The following SRGAP3 variants were observed in gnomAD, a reference collection of about 807,000 sequenced individuals.
SRGAP3 encodes SLIT-ROBO Rho GTPase-activating protein 3.
SRGAP3 carries 39 observed loss-of-function variants against 121.1 expected under a neutral mutation model. The ratio of observed to expected loss-of-function variants is 0.32; its 90% CI spans 0.25 to 0.42. SRGAP3 has a LOEUF of 0.42. Among genes scored for constraint, SRGAP3 ranks in the 10% least tolerant of loss-of-function variants. The pLI, the probability that SRGAP3 is intolerant of heterozygous loss-of-function variation, is 1.00. For synonymous variants in SRGAP3, 601 were observed against 570.0 expected, an observed-to-expected ratio of 1.05 and a Z score of -0.77; for missense variants, 1,213 against 1,470.6, an observed-to-expected ratio of 0.82 and a Z score of 2.86.
chr3:9,106,794 G>T (rs748597209), intron 2 of SRGAP3, among the ~76,000 whole-genome samples: 5 of 151,912 alleles, frequency 3.3e-5, no homozygotes, highest in Non-Finnish European at 5.9e-5. Flanking sequence ...TCCCACTCTT[G>T]GGTATGTGTT....
At chr3:8,999,521 C>T (rs888657022) in intron 18 of SRGAP3, among the ~76,000 whole-genome samples, 9 of 152,190 alleles carry the variant, frequency 5.9e-5, no homozygotes, top group Admixed American at 5.2e-4. Context: ...CCTCTCAATA[C>T]CACTTATGTC....
chr3:9,292,714 A>G (rs1954889843), intron 3 of SRGAP3: 1 of 152,178 alleles, frequency 6.6e-6, no homozygotes, highest in African/African-American at 2.4e-5. Flanking sequence ...TCTTTTAATT[A>G]GCCTGTGCAT....
At chr3:9,044,255 C>A (rs767765890) in intron 10 of SRGAP3, among the ~76,000 whole-genome samples, 1 of 152,142 alleles carries the variant, frequency 6.6e-6, no homozygotes, top group Non-Finnish European at 1.5e-5. Flanking sequence ...GTTCCAAGAC[C>A]CCCAGTGGAT....
Position 9,060,327 on chromosome 3 carries a change from T to C in SRGAP3, c.705A>G (p.Lys235=). The change falls in exon 6 of 22, where the codon AAA becomes AAG. Residue 235 remains lysine (K), a synonymous_variant. Coordinates refer to ENST00000383836, the MANE Select transcript of SRGAP3 (RefSeq NM_014850.4). ...AGTAGTCATTCCGGGCCTTTGTGCATTTCAGCTTGTTCTCAGAGTACTTGG... is the reference window on the plus strand; with the variant it reads ...AGTAGTCATTCCGGGCCTTTGTGCACTTCAGCTTGTTCTCAGAGTACTTGG... ...RQAKYSENKL[K]CTKARNDYLL... The C allele has an allele frequency of 6.2e-7, 1 of 1,614,162 alleles. No individual in the cohort carries two copies. The highest frequency in any genetic ancestry group is 1.6e-4 in the Middle Eastern group (1 of 6,062).
At chr3:9,009,831 T>C (rs1943270263) in intron 18 of SRGAP3, among the ~76,000 whole-genome samples, 2 of 152,170 alleles carry the variant, frequency 1.3e-5, no homozygotes, top group Non-Finnish European at 2.9e-5. Context: ...TCTGGCATTA[T>C]CGCTTTGCAC....
intron 18 of SRGAP3, among the ~76,000 whole-genome samples, chr3:9,003,386 G>A (rs1433482805): frequency 6.6e-6 from 1 of 152,120 alleles, no homozygotes; most frequent in East Asian, 1.9e-4. Flanking sequence ...GGCTGAGGCA[G>A]GAGAATCACT....
chr3:9,131,917 T>A (rs1370661740), intron 1 of SRGAP3, among the ~76,000 whole-genome samples: 3 of 151,948 alleles, frequency 2.0e-5, no homozygotes, highest in African/African-American at 4.8e-5. Flanking sequence ...TCCTGCTCAC[T>A]CTCCAAGCAA....
At chr3:9,010,800 C>T (rs949967726) in intron 17 of SRGAP3, among the ~76,000 whole-genome samples, 15 of 152,168 alleles carry the variant, frequency 9.9e-5, no homozygotes, top group African/African-American at 3.6e-4. Context: ...TGTCTTATAG[C>T]TGAGGTGACA....
At chr3:9,293,303 T>C (rs553132976) in intron 3 of SRGAP3, 2 of 152,292 alleles carry the variant, frequency 1.3e-5, no homozygotes, top group South Asian at 4.1e-4. Context: ...TTCCATTTGA[T>C]TGCTCTGACT....
chr3:9,320,813 C>T (rs912982849), intron 3 of SRGAP3, among the ~76,000 whole-genome samples: 3 of 151,708 alleles, frequency 2.0e-5, no homozygotes, highest in African/African-American at 7.3e-5. Context: ...AATAAATTCC[C>T]TTTTTGAGTA....
At chr3:9,026,819 A>G (rs1045140120) in intron 13 of SRGAP3, 116 bp downstream of exon 13, 8 of 1,184,484 alleles carry the variant, frequency 6.8e-6, no homozygotes, top group South Asian at 4.9e-5. Flanking sequence ...TTCCCCCTCC[A>G]AAGCAGAGCT....
chr3:9,073,847 G>A (rs1946834080), intron 4 of SRGAP3, among the ~76,000 whole-genome samples: 1 of 152,216 alleles, frequency 6.6e-6, no homozygotes, highest in South Asian at 2.1e-4. Flanking sequence ...TGTGGGATAT[G>A]CCCAAACGTG....
Position 8,984,230 on chromosome 3 carries a change from C to A in SRGAP3, c.*1289G>T. On this transcript the variant is annotated 3_prime_UTR_variant, in exon 22 of 22. Coordinates refer to ENST00000383836, the MANE Select transcript of SRGAP3 (RefSeq NM_014850.4). ...AGCTATGTCACTTGTATTAACTCAA[C>A]TGACAGTGTCCTCTAGGACAGAAAG... is the stretch of plus-strand genomic sequence containing the variant. 1 of 229,882 alleles carries A rather than the reference C, an allele frequency of 4.4e-6. No individual in the cohort carries two copies. Among genetic ancestry groups the A allele is most frequent in the Non-Finnish European group, 8.6e-6 (1 of 115,934 alleles). 14.2% of individuals were successfully genotyped at this position (229,882 alleles called of 1,614,324 possible). A position where few individuals can be genotyped will look rare whatever the true frequency, so the allele number is the denominator to read the frequency against.
chr3:8,981,004 G>A lies in SRGAP3; in HGVS notation c.*4515C>T, dbSNP rs1184994295. 1.7e-5 allele frequency: 4 copies of A among 233,264 alleles called. No homozygotes were observed. Among genetic ancestry groups the A allele is most frequent in the Admixed American group, 5.6e-5 (1 of 17,786 alleles). The allele number at this position is 233,264 out of a possible 1,614,324, so 14.4% of individuals were successfully genotyped here. ...TCTGGTTGTTCTGGTTCAAGGAACAGCTTTGTTATTGGCCGGGGACAACTC... is the reference window on the plus strand; with the variant it reads ...TCTGGTTGTTCTGGTTCAAGGAACAACTTTGTTATTGGCCGGGGACAACTC... On this transcript the variant is annotated 3_prime_UTR_variant, in exon 22 of 22. Coordinates refer to ENST00000383836, the MANE Select transcript of SRGAP3 (RefSeq NM_014850.4).
intron 1 of SRGAP3, among the ~76,000 whole-genome samples, chr3:9,153,673 A>G (rs1950288626): frequency 6.6e-6 from 1 of 152,250 alleles, no homozygotes; most frequent in Non-Finnish European, 1.5e-5. Flanking sequence ...AGACATAATC[A>G]AAATATACAC....
chr3:9,334,791 C>T (rs56783351), intron 1 of SRGAP3, among the ~76,000 whole-genome samples: 485 of 152,294 alleles, frequency 3.2e-3, no homozygotes, highest in African/African-American at 0.011. Flanking sequence ...GATGAGAAAT[C>T]GTGCTCTGCT....
chr3:9,203,837 T>C (rs1022108794), intron 1 of SRGAP3, among the ~76,000 whole-genome samples: 2 of 152,196 alleles, frequency 1.3e-5, no homozygotes, highest in Non-Finnish European at 2.9e-5. Context: ...GCAAATGGCT[T>C]TCATACCCGG....
rs1409195580 is a variant in SRGAP3, at chr3:9,056,320, G to A, written c.1038C>T (p.Ser346=). The stretch of plus-strand genomic sequence containing the variant: ...GTTCTGTCTGGACGGGCTGCTGAGC[G>A]CTGACCTGGCAGACCTGCAGGAATA... ...PHMGDEVCQV[S]AQQPVQTELL... is the part of the protein sequence containing the mutation. Residue 346 remains serine, a synonymous_variant, in exon 8 of 22, where the codon AGC becomes AGT. Transcript: ENST00000383836. The A allele has an allele frequency of 1.2e-5, 19 of 1,612,948 alleles. No homozygotes were observed. Among genetic ancestry groups the A allele is most frequent in the Middle Eastern group, 1.7e-4 (1 of 5,812 alleles).
chr3:9,346,657 G>A (rs927492900), intron 1 of SRGAP3, among the ~76,000 whole-genome samples: 1 of 151,932 alleles, frequency 6.6e-6, no homozygotes, highest in African/African-American at 2.4e-5. Flanking sequence ...TTACTACATT[G>A]GCTAACTCCT....
Sources: gnomAD v4.1 joint callset for allele counts (sites outside exome capture counted in the v4.1 genomes callset) on GRCh38, gnomAD v4.1.1 for gene constraint, MANE v1.5 for transcripts, NCBI Gene and HGNC (gene_info 2026-07-23, HGNC 2026-07-21) for gene names.